The following CACNA2D1 variants were observed in gnomAD, a reference collection of about 807,000 sequenced individuals.
CACNA2D1 encodes the protein voltage-dependent calcium channel subunit alpha-2/delta-1.
CACNA2D1 carries 53 observed loss-of-function variants against 171.5 expected under a neutral mutation model. The observed-to-expected ratio is 0.31, with a 90% confidence interval of 0.25 to 0.39. The LOEUF (loss-of-function observed/expected upper bound fraction) is 0.39, where lower values mean the gene tolerates loss of function less well. Among genes scored for constraint, CACNA2D1 ranks in the 10% least tolerant of loss-of-function variants. CACNA2D1 has a pLI of 1.00. For synonymous variants in CACNA2D1, 442 were observed against 443.1 expected (o/e 1.00, Z 0.03); for missense variants, 903 against 1,299.8 (o/e 0.69, Z 4.69).
chr7:82,352,619 G>A (rs1165787474), intron 1 of CACNA2D1, among the ~76,000 whole-genome samples: 1 of 152,130 alleles, frequency 6.6e-6, no homozygotes, highest in South Asian at 2.1e-4. Context: ...ATGGGTCTGG[G>A]AGGAAGAGAG....
At chr7:82,168,921 C>A (rs1378931403) in intron 4 of CACNA2D1, among the ~76,000 whole-genome samples, 1 of 151,966 alleles carries the variant, frequency 6.6e-6, no homozygotes, top group East Asian at 1.9e-4. Context: ...GTTTTGAGTT[C>A]TCCGAATTAC....
chr7:82,366,006 C>T (rs1044698962), intron 1 of CACNA2D1, among the ~76,000 whole-genome samples: 4 of 152,110 alleles, frequency 2.6e-5, no homozygotes, highest in Non-Finnish European at 5.9e-5. Context: ...AATGGAGAAA[C>T]GTTAGCACTG....
chr7:82,438,544 C>G (rs1030797201), intron 1 of CACNA2D1, among the ~76,000 whole-genome samples: 23 of 152,158 alleles, frequency 1.5e-4, no homozygotes, highest in African/African-American at 5.1e-4. Context: ...AACAACACTA[C>G]GCAATCGTTT....
intron 7 of CACNA2D1, among the ~76,000 whole-genome samples, chr7:82,070,432 A>G (rs1808188559): frequency 6.6e-6 from 1 of 152,242 alleles, no homozygotes; most frequent in African/African-American, 2.4e-5. Context: ...TCTAACTCAA[A>G]TAACAGGCTA....
At chr7:82,313,309 A>G (rs1359998884) in intron 3 of CACNA2D1, among the ~76,000 whole-genome samples, 1 of 151,894 alleles carries the variant, frequency 6.6e-6, no homozygotes, top group African/African-American at 2.4e-5. Flanking sequence ...TCTTTGACCT[A>G]TTTTGAGACG....
At chr7:82,260,238 T>C (rs1415301900) in intron 3 of CACNA2D1, among the ~76,000 whole-genome samples, 2 of 151,866 alleles carry the variant, frequency 1.3e-5, no homozygotes, top group Non-Finnish European at 2.9e-5. Context: ...AATAAATAAA[T>C]AAAACAAAAC....
At chr7:82,442,220 G>C (rs1359112322) in intron 1 of CACNA2D1, among the ~76,000 whole-genome samples, 1 of 152,122 alleles carries the variant, frequency 6.6e-6, no homozygotes. Flanking sequence ...AACCGCTAAA[G>C]ATTCACTGTT....
At chr7:82,147,548 A>C (rs1793285818) in intron 4 of CACNA2D1, among the ~76,000 whole-genome samples, 1 of 152,126 alleles carries the variant, frequency 6.6e-6, no homozygotes, top group Non-Finnish European at 1.5e-5. Flanking sequence ...TAATCTTCTA[A>C]AACATTTCAT....
At chr7:82,265,746 C>A (rs1807760686) in intron 3 of CACNA2D1, among the ~76,000 whole-genome samples, 1 of 152,038 alleles carries the variant, frequency 6.6e-6, no homozygotes, top group African/African-American at 2.4e-5. Flanking sequence ...CCATTATTTG[C>A]AGCCCATTTT....
At chr7:82,208,654 T>C (rs981640589) in intron 3 of CACNA2D1, among the ~76,000 whole-genome samples, 2 of 152,300 alleles carry the variant, frequency 1.3e-5, no homozygotes, top group South Asian at 2.1e-4. Context: ...CTTTACTTTA[T>C]CAGATTTATA....
chr7:81,992,746 CAAG>C (rs893014599), intron 20 of CACNA2D1, among the ~76,000 whole-genome samples: 1 of 152,056 alleles, frequency 6.6e-6, no homozygotes, highest in Non-Finnish European at 1.5e-5. Flanking sequence ...ATTTTTTAGT[CAAG>C]AAATCTATTT....
At chr7:82,419,477 T>C (rs1828517570) in intron 1 of CACNA2D1, among the ~76,000 whole-genome samples, 1 of 152,214 alleles carries the variant, frequency 6.6e-6, no homozygotes, top group African/African-American at 2.4e-5. Flanking sequence ...AGTACCTTTC[T>C]GCTAAAGACA....
chr7:82,046,436 T>G (rs1804568724), intron 10 of CACNA2D1, among the ~76,000 whole-genome samples: 1 of 152,270 alleles, frequency 6.6e-6, no homozygotes, highest in Non-Finnish European at 1.5e-5. Flanking sequence ...TGGTCCATTG[T>G]ATAAAAAAAG....
intron 1 of CACNA2D1, among the ~76,000 whole-genome samples, chr7:82,437,911 T>A (rs931009685): frequency 6.6e-6 from 1 of 152,170 alleles, no homozygotes; most frequent in African/African-American, 2.4e-5. Context: ...TATGTTTAAT[T>A]CTAAATTTCA....
intron 3 of CACNA2D1, among the ~76,000 whole-genome samples, chr7:82,229,059 A>G (rs1387601232): frequency 6.6e-6 from 1 of 152,154 alleles, no homozygotes; most frequent in Non-Finnish European, 1.5e-5. Flanking sequence ...GGTTTTCTGA[A>G]TAACACCATC....
At chr7:81,975,401 C>G (rs1043509412) in intron 24 of CACNA2D1, among the ~76,000 whole-genome samples, 11 of 152,076 alleles carry the variant, frequency 7.2e-5, no homozygotes, top group Non-Finnish European at 1.6e-4. Context: ...TAATTCCTGA[C>G]AAGAGAAGAC....
chr7:82,018,644 A>C (rs1413293273), intron 12 of CACNA2D1, among the ~76,000 whole-genome samples: 1 of 152,204 alleles, frequency 6.6e-6, no homozygotes, highest in Non-Finnish European at 1.5e-5. Context: ...ACACATAGTT[A>C]TATAATTGTA....
Position 81,982,557 on chromosome 7 carries a change from C to G in CACNA2D1, c.1955+10G>C. ...GATAGAAGATGTATCAAAAATACAA[C>G]AAAACCAACCTTGGTGCTATGAATG... On this transcript the variant is annotated intron_variant, in intron 24 of 38. Transcript: ENST00000356860. The G allele has an allele frequency of 6.3e-7, 1 of 1,575,802 alleles. No homozygotes were observed. The highest frequency in any genetic ancestry group is 8.7e-7 in the Non-Finnish European group (1 of 1,145,518).
At chr7:82,351,566 G>C (rs1251314132) in intron 1 of CACNA2D1, among the ~76,000 whole-genome samples, 2 of 151,968 alleles carry the variant, frequency 1.3e-5, no homozygotes, top group Non-Finnish European at 2.9e-5. Context: ...GAACCACGCT[G>C]TATGAACAGG....
Sources: allele counts gnomAD v4.1 joint callset (sites outside exome capture counted in the v4.1 genomes callset), GRCh38; gene constraint gnomAD v4.1.1; transcripts MANE v1.5; gene names NCBI Gene and HGNC (gene_info 2026-07-23, HGNC 2026-07-21).